SGMS1: variants seen among roughly 807,000 people sequenced by gnomAD.
The protein encoded by SGMS1 is phosphatidylcholine:ceramide cholinephosphotransferase 1.
In SGMS1, 13 loss-of-function variants were observed where a neutral mutation model predicts 46.2. That is an observed-to-expected ratio of 0.28 (90% CI 0.18 to 0.45). The LOEUF (loss-of-function observed/expected upper bound fraction) is 0.45. SGMS1 is among the 20% of genes least tolerant of loss of function. SGMS1 has a pLI of 1.00. For missense variants in SGMS1, 324 were observed against 519.9 expected (o/e 0.62, Z 3.66); for synonymous variants, 203 against 187.8 (o/e 1.08, Z -0.66).
chr10:50,482,527 C>T (rs898251097), intron 3 of SGMS1, among the ~76,000 whole-genome samples: 5 of 152,146 alleles, frequency 3.3e-5, no homozygotes, highest in South Asian at 2.1e-4. Flanking sequence ...GCCTGCCTTG[C>T]GAGAATTCCT....
At chr10:50,617,698 C>CA (rs748080647) in intron 1 of SGMS1, among the ~76,000 whole-genome samples, 2 of 152,138 alleles carry the variant, frequency 1.3e-5, no homozygotes, top group Non-Finnish European at 2.9e-5. Flanking sequence ...CCTCCCACCT[C>CA]AGTCTCCCGA....
chr10:50,435,866 A>C (rs1177595911), intron 5 of SGMS1, among the ~76,000 whole-genome samples: 1 of 152,304 alleles, frequency 6.6e-6, no homozygotes, highest in Admixed American at 6.5e-5. Flanking sequence ...GACCCCTTCC[A>C]AGTCACCCTC....
chr10:50,483,884 A>G (rs1837497918), intron 3 of SGMS1, among the ~76,000 whole-genome samples: 1 of 152,228 alleles, frequency 6.6e-6, no homozygotes. Context: ...TCTGGGACAC[A>G]GCTAAAGCAG....
chr10:50,462,997 C>A (rs1369159266), intron 4 of SGMS1, among the ~76,000 whole-genome samples: 2 of 151,910 alleles, frequency 1.3e-5, no homozygotes, highest in South Asian at 2.1e-4. Context: ...AAGACCCTTA[C>A]CCCACACCAT....
Position 50,491,950 on chromosome 10 carries a change from A to G in SGMS1, c.-497-25018T>C, listed in dbSNP as rs148738978. The stretch of plus-strand genomic sequence containing the variant: ...ACTGACAAACCAAATCCAGCAGCAC[A>G]TCAAGAAGCTTATCCATCACGGTCA... On this transcript the variant is annotated intron_variant, in intron 3 of 10. Coordinates refer to ENST00000361781, the MANE Select transcript of SGMS1 (RefSeq NM_147156.4). Among the ~76,000 whole-genome samples, 37 of 152,354 alleles carry G rather than the reference A, an allele frequency of 2.4e-4. 1 individual carries two copies. In the East Asian group the frequency reaches 6.9e-3, roughly 29 times the overall value.
At chr10:50,544,380 C>T (rs992009970) in intron 2 of SGMS1, among the ~76,000 whole-genome samples, 1 of 152,150 alleles carries the variant, frequency 6.6e-6, no homozygotes, top group Non-Finnish European at 1.5e-5. Context: ...CAAGGCATTC[C>T]TGCATGTATA....
At chr10:50,452,709 C>G (rs1373338050) in intron 5 of SGMS1, among the ~76,000 whole-genome samples, 1 of 152,150 alleles carries the variant, frequency 6.6e-6, no homozygotes, top group East Asian at 1.9e-4. Context: ...ACCACTCAAG[C>G]TGGTGAGTTT....
At chr10:50,476,870 C>T (rs963435412) in intron 3 of SGMS1, among the ~76,000 whole-genome samples, 3 of 152,242 alleles carry the variant, frequency 2.0e-5, no homozygotes, top group African/African-American at 7.2e-5. Flanking sequence ...AGGGCTTCCA[C>T]CTAGATTTCA....
chr10:50,464,735 G>A (rs1001188457), intron 4 of SGMS1, among the ~76,000 whole-genome samples: 6 of 152,118 alleles, frequency 3.9e-5, no homozygotes, highest in African/African-American at 7.2e-5. Context: ...CGCCTGGCCC[G>A]TTGATTTTAG....
intron 5 of SGMS1, among the ~76,000 whole-genome samples, chr10:50,436,526 C>G (rs1293774725): frequency 6.6e-6 from 1 of 152,150 alleles, no homozygotes; most frequent in Non-Finnish European, 1.5e-5. Flanking sequence ...ATTAGTTCAG[C>G]TGATGCACTT....
At chr10:50,439,205 A>T (rs1274447541) in intron 5 of SGMS1, among the ~76,000 whole-genome samples, 3 of 152,158 alleles carry the variant, frequency 2.0e-5, no homozygotes, top group Admixed American at 6.5e-5. Context: ...ACCAAATGTA[A>T]ATATTCTTAA....
chr10:50,484,438 C>T (rs755685230), intron 3 of SGMS1, among the ~76,000 whole-genome samples: 11 of 152,116 alleles, frequency 7.2e-5, no homozygotes, highest in Non-Finnish European at 1.0e-4. Flanking sequence ...CAGGACCAGA[C>T]GGATTCACAG....
At chr10:50,416,679 G>C (rs774281124) in intron 6 of SGMS1, among the ~76,000 whole-genome samples, 1 of 152,090 alleles carries the variant, frequency 6.6e-6, no homozygotes, top group Non-Finnish European at 1.5e-5. Context: ...AGAGCCATTT[G>C]ATCAGTTCAA....
chr10:50,392,291 C>G (rs1395678037), intron 6 of SGMS1, among the ~76,000 whole-genome samples: 1 of 151,872 alleles, frequency 6.6e-6, no homozygotes, highest in Non-Finnish European at 1.5e-5. Flanking sequence ...AGTTTTCTGT[C>G]TATGTAATTA....
intron 6 of SGMS1, among the ~76,000 whole-genome samples, chr10:50,415,877 AC>A (rs1849162618): frequency 6.6e-6 from 1 of 152,212 alleles, no homozygotes; most frequent in African/African-American, 2.4e-5. Flanking sequence ...GTATGCACTC[AC>A]AAACAGGGGA....
At chr10:50,545,600 TA>T (rs1280234911) in intron 2 of SGMS1, among the ~76,000 whole-genome samples, 2 of 152,150 alleles carry the variant, frequency 1.3e-5, no homozygotes, top group Non-Finnish European at 2.9e-5. Flanking sequence ...CTCGCCTGGC[TA>T]ATTTTTGTAG....
intron 3 of SGMS1, among the ~76,000 whole-genome samples, chr10:50,515,524 G>A (rs1009691976): frequency 6.6e-6 from 1 of 152,224 alleles, no homozygotes; most frequent in Non-Finnish European, 1.5e-5. Flanking sequence ...CCCCGGCCCA[G>A]GACAACAGAA....
intron 1 of SGMS1, among the ~76,000 whole-genome samples, chr10:50,601,003 G>A (rs995038621): frequency 2.0e-5 from 3 of 152,126 alleles, no homozygotes; most frequent in African/African-American, 7.2e-5. Context: ...TTAACCCATG[G>A]GCCAAGGAAC....
At chr10:50,624,290 T>C (rs760575341), upstream of SGMS1, among the ~76,000 whole-genome samples, 1 of 151,998 alleles carries the variant, frequency 6.6e-6, no homozygotes, top group Non-Finnish European at 1.5e-5. Context: ...CTAGAGCTGG[T>C]CACAAAGCAG....
Sources: allele counts gnomAD v4.1 joint callset (sites outside exome capture counted in the v4.1 genomes callset), GRCh38; gene constraint gnomAD v4.1.1; transcripts MANE v1.5; gene names NCBI Gene and HGNC (gene_info 2026-07-23, HGNC 2026-07-21).